PRKN: variants seen among roughly 807,000 people sequenced by gnomAD.
PRKN encodes parkin RBR E3 ubiquitin protein ligase.
A neutral mutation model predicts 59.5 loss-of-function variants in PRKN; 56 were observed. The ratio of observed to expected loss-of-function variants is 0.94; its 90% CI spans 0.76 to 1.18. The LOEUF is 1.18. Ranked by LOEUF, PRKN falls within the 50% of genes most tolerant of loss-of-function variation. The pLI, the probability that PRKN is intolerant of heterozygous loss-of-function variation, is 0.00. For synonymous variants in PRKN, 250 were observed against 222.1 expected (o/e 1.13, Z -1.12); for missense variants, 657 against 596.4 (o/e 1.10, Z -1.06).
At chr6:162,672,251 AG>A (rs1255790411) in intron 1 of PRKN, among the ~76,000 whole-genome samples, 3 of 152,212 alleles carry the variant, frequency 2.0e-5, no homozygotes, top group Non-Finnish European at 4.4e-5. Context: ...TGAACCAAAA[AG>A]GTGCTTCCTG....
At chr6:161,655,866 GCACACA>G (rs1346269118) in intron 7 of PRKN, among the ~76,000 whole-genome samples, 1 of 136,408 alleles carries the variant, frequency 7.3e-6, no homozygotes, top group Admixed American at 7.4e-5. Context: ...CAACACACAT[GCACACA>G]CACACACACA....
At chr6:161,843,114 G>C (rs564968336) in intron 6 of PRKN, among the ~76,000 whole-genome samples, 1 of 152,174 alleles carries the variant, frequency 6.6e-6, no homozygotes, top group East Asian at 1.9e-4. Flanking sequence ...GGTTAATAAG[G>C]GTTAATAATT....
At chr6:162,524,086 T>C (rs71567652) in intron 1 of PRKN, among the ~76,000 whole-genome samples, 16,107 of 152,194 alleles carry the variant, frequency 0.11, 1,136 homozygotes, top group South Asian at 0.18. Flanking sequence ...CTATATCCTA[T>C]GGTTCTTTTG....
intron 9 of PRKN, among the ~76,000 whole-genome samples, chr6:161,438,680 G>T (rs1403590003): frequency 1.3e-5 from 2 of 152,110 alleles, no homozygotes; most frequent in Admixed American, 6.5e-5. Context: ...AGAGAGAGAA[G>T]AAAATCGAAA....
chr6:162,518,053 A>G (rs1777938419), intron 1 of PRKN, among the ~76,000 whole-genome samples: 1 of 152,186 alleles, frequency 6.6e-6, no homozygotes, highest in Admixed American at 6.6e-5. Context: ...GTTGTTTTAA[A>G]AACTTGTTTT....
chr6:161,413,950 G>C lies in PRKN; in HGVS notation c.1084-27073C>G, dbSNP rs1361044325. ...AGACTGTGGAAAGGGAAGCGAGGCA[G>C]AGGTGGCAGAAAGAGATGATAACTC... is the stretch of plus-strand genomic sequence containing the variant. On this transcript the variant is annotated intron_variant, in intron 9 of 11. Transcript: ENST00000366898. The surrounding 1 kb of genome is among the most constrained non-coding windows in gnomAD (Gnocchi z 4.4). Among the ~76,000 whole-genome samples, 6 of 152,140 alleles carry C rather than the reference G, an allele frequency of 3.9e-5. No homozygotes were observed. The highest frequency in any genetic ancestry group is 8.8e-5 in the Non-Finnish European group (6 of 68,030).
chr6:161,895,604 G>C (rs1286033777), intron 6 of PRKN, among the ~76,000 whole-genome samples: 1 of 118,902 alleles, frequency 8.4e-6, no homozygotes, highest in Admixed American at 8.7e-5. Context: ...AGATTCAGGA[G>C]CACGCCCACC....
chr6:162,566,146 C>T (rs1780068457), intron 1 of PRKN, among the ~76,000 whole-genome samples: 1 of 152,006 alleles, frequency 6.6e-6, no homozygotes, highest in South Asian at 2.1e-4. Context: ...TAACTAGAGA[C>T]TTCAGTACCC....
chr6:161,811,161 C>T (rs1057385499), intron 6 of PRKN, among the ~76,000 whole-genome samples: 2 of 152,062 alleles, frequency 1.3e-5, no homozygotes, highest in Non-Finnish European at 2.9e-5. Context: ...GAAACAAAAT[C>T]TCAGGCCTTA....
chr6:162,086,866 C>G (rs1326623189), intron 4 of PRKN, among the ~76,000 whole-genome samples: 1 of 152,174 alleles, frequency 6.6e-6, no homozygotes, highest in Non-Finnish European at 1.5e-5. Context: ...AGTGACTAGT[C>G]TACTGCCATG....
At chr6:162,696,885 G>C (rs552847908) in intron 1 of PRKN, among the ~76,000 whole-genome samples, 8 of 152,172 alleles carry the variant, frequency 5.3e-5, no homozygotes, top group African/African-American at 1.7e-4. Context: ...ACAAATCCCT[G>C]AGGTTACATT....
Position 161,463,770 on chromosome 6 carries a change from G to A in PRKN, c.1084-76893C>T, listed in dbSNP as rs1004852138. Among the ~76,000 whole-genome samples the A allele has an allele frequency of 6.6e-6, 1 of 152,122 alleles. No individual in the cohort carries two copies. The highest frequency in any genetic ancestry group is 1.5e-5 in the Non-Finnish European group (1 of 68,028). ...TGGTAAAGATCAAGTGTCCACTTTGGAAGTATAATCTTTATCTAGTGATCA... is the reference window on the plus strand; with the variant it reads ...TGGTAAAGATCAAGTGTCCACTTTGAAAGTATAATCTTTATCTAGTGATCA... On this transcript the variant is annotated intron_variant, in intron 9 of 11. Transcript: ENST00000366898. This position sits in a 1 kb window ranked among gnomAD's most constrained non-coding sequence, Gnocchi z 4.8.
At chr6:162,580,309 A>T (rs992056962) in intron 1 of PRKN, among the ~76,000 whole-genome samples, 1 of 152,014 alleles carries the variant, frequency 6.6e-6, no homozygotes, top group African/African-American at 2.4e-5. Context: ...GTGGTGGTGC[A>T]TGCCTGCAGT....
intron 1 of PRKN, among the ~76,000 whole-genome samples, chr6:162,482,189 C>A (rs937306516): frequency 2.6e-5 from 4 of 152,234 alleles, no homozygotes; most frequent in South Asian, 4.1e-4. Flanking sequence ...CTTAAAGATC[C>A]TTTTCAATGA....
intron 1 of PRKN, among the ~76,000 whole-genome samples, chr6:162,618,537 A>G (rs1466427200): frequency 1.3e-5 from 2 of 152,186 alleles, no homozygotes; most frequent in Non-Finnish European, 2.9e-5. Flanking sequence ...GTGTTCAGGA[A>G]AGTAAAGGTT....
At chr6:161,895,802 A>C (rs1777605665) in intron 6 of PRKN, among the ~76,000 whole-genome samples, 1 of 152,182 alleles carries the variant, frequency 6.6e-6, no homozygotes, top group Non-Finnish European at 1.5e-5. Context: ...CTGTTGAACA[A>C]ACAATTGAAT....
chr6:162,105,985 T>C (rs531250759), intron 4 of PRKN, among the ~76,000 whole-genome samples: 1 of 152,324 alleles, frequency 6.6e-6, no homozygotes, highest in African/African-American at 2.4e-5. Flanking sequence ...AATACAATCT[T>C]ATAAACCTTG....
chr6:162,339,827 T>C (rs1429515969), intron 2 of PRKN, among the ~76,000 whole-genome samples: 11 of 149,196 alleles, frequency 7.4e-5, no homozygotes, highest in Non-Finnish European at 1.6e-4. Context: ...CCTGTTGATC[T>C]GTGACCTTAC....
chr6:162,724,034 T>C (rs951301276), intron 1 of PRKN, among the ~76,000 whole-genome samples: 2 of 152,214 alleles, frequency 1.3e-5, no homozygotes, highest in Non-Finnish European at 2.9e-5. Context: ...TATATAACCA[T>C]GCACTCTAAT....
Sources: gnomAD v4.1 joint callset for allele counts (sites outside exome capture counted in the v4.1 genomes callset) on GRCh38, gnomAD v4.1.1 for gene constraint, Gnocchi (gnomAD v3.1) non-coding constraint, MANE v1.5 for transcripts, NCBI Gene and HGNC (gene_info 2026-07-23, HGNC 2026-07-21) for gene names.